HEPH: variants seen among roughly 807,000 people sequenced by gnomAD.
HEPH encodes hephaestin.
A neutral mutation model predicts 80.8 loss-of-function variants in HEPH; 69 were observed. The observed-to-expected ratio is 0.85, with a 90% CI of 0.70 to 1.04. The LOEUF is 1.04. Among genes scored for constraint, HEPH ranks in the 50% least tolerant of loss-of-function variants. The probability of loss-of-function intolerance (pLI) is 0.00; values close to 1 mark genes in which losing one functional copy is unlikely to be tolerated. For synonymous variants in HEPH, 431 were observed against 322.8 expected, an observed-to-expected ratio of 1.34 and a Z score of -3.60; for missense variants, 1,115 against 891.3, an observed-to-expected ratio of 1.25 and a Z score of -3.20.
chrX:66,259,350 T>C (rs1168613450), intron 18 of HEPH, among the ~76,000 whole-genome samples: 1 of 111,610 alleles, frequency 9.0e-6, no homozygotes, highest in Non-Finnish European at 1.9e-5. Context: ...TAAGAAGAGC[T>C]TCAACTTAGG....
At position 66,241,738 on chromosome X, in the gene HEPH, C is replaced by T. The variant is rs2090592714; in HGVS notation, c.2564-13297C>T. 2.7e-5 allele frequency among the ~76,000 whole-genome samples: 3 copies of T among 111,457 alleles called. No individual in the cohort carries two copies. The Admixed American group carries it at 2.9e-4, about 11-fold the overall frequency. On this transcript the variant is annotated intron_variant, in intron 15 of 20. Transcript: ENST00000343002. ...TTAACAAAGATATTTGGGACATAAACTTGACATTCAACCAAATTTCATTCA... is the reference window on the plus strand; with the variant it reads ...TTAACAAAGATATTTGGGACATAAATTTGACATTCAACCAAATTTCATTCA...
intron 15 of HEPH, among the ~76,000 whole-genome samples, chrX:66,224,080 C>T (rs2089773187): frequency 1.2e-5 from 1 of 85,421 alleles, no homozygotes; most frequent in Non-Finnish European, 2.0e-5. Flanking sequence ...GCCCCTCTTT[C>T]CCCCGCTTTT....
intron 1 of HEPH, among the ~76,000 whole-genome samples, chrX:66,169,089 C>A (rs374122146): frequency 9.0e-6 from 1 of 111,260 alleles, no homozygotes; most frequent in East Asian, 2.8e-4. Context: ...CAAATCCCAA[C>A]TCTACCGATT....
chrX:66,257,817 G>T (rs1421832339), intron 17 of HEPH, among the ~76,000 whole-genome samples: 1 of 111,492 alleles, frequency 9.0e-6, no homozygotes, highest in African/African-American at 3.3e-5. Context: ...CCTCTCTTGG[G>T]TGATAAAGTG....
At chrX:66,252,288 T>TA (rs1175264399) in intron 15 of HEPH, among the ~76,000 whole-genome samples, 2 of 111,773 alleles carry the variant, frequency 1.8e-5, no homozygotes, top group Non-Finnish European at 3.8e-5. Context: ...GAGTCTGAGA[T>TA]AAAAATTAGA....
At chrX:66,263,781 A>C (rs915697801) in intron 20 of HEPH, 93 bp downstream of exon 20, 3 of 840,305 alleles carry the variant, frequency 3.6e-6, no homozygotes, top group Non-Finnish European at 5.2e-6. Flanking sequence ...GACTTATGTG[A>C]CTGAGAGTTA....
In HEPH at chrX:66,245,061, A is replaced by C. The variant is rs768334316; in HGVS notation, c.2564-9974A>C. On this transcript the variant is annotated intron_variant, in intron 15 of 20. Coordinates refer to ENST00000343002, the MANE Select transcript of HEPH (RefSeq NM_001367233.3). ...TAAAGACCATCAAGGCTAGGAAGAA[A>C]CCGCATCAACTAATGAGCAAAATAA... 2.7e-4 allele frequency among the ~76,000 whole-genome samples: 30 copies of C among 111,608 alleles called. 1 individual carries two copies. Among genetic ancestry groups the C allele is most frequent in the South Asian group, 1.1e-3 (3 of 2,647 alleles).
At chrX:66,172,668 G>A in intron 3 of HEPH, 69 bp downstream of exon 3, 1 of 1,021,503 alleles carries the variant, frequency 9.8e-7, no homozygotes, top group Non-Finnish European at 1.3e-6. Flanking sequence ...GCCAGGTGAA[G>A]GAGAAGAACT....
At chrX:66,167,677 G>T (rs750624964) in intron 1 of HEPH, among the ~76,000 whole-genome samples, 1 of 112,227 alleles carries the variant, frequency 8.9e-6, no homozygotes, top group East Asian at 2.8e-4. Flanking sequence ...TGTTTCATCA[G>T]TGAATGTAAG....
intron 1 of HEPH, among the ~76,000 whole-genome samples, chrX:66,168,072 G>A (rs2086449050): frequency 8.9e-6 from 1 of 112,015 alleles, no homozygotes; most frequent in South Asian, 3.8e-4. Flanking sequence ...GGGAAATGAA[G>A]ACAGTTCATG....
intron 15 of HEPH, among the ~76,000 whole-genome samples, chrX:66,227,395 C>G (rs1455532315): frequency 1.8e-5 from 2 of 111,111 alleles, no homozygotes; most frequent in Non-Finnish European, 3.8e-5. Context: ...AGGATGCCCA[C>G]TTTCACCACT....
intron 20 of HEPH, 59 bp from the exon 21 acceptor site, chrX:66,266,381 A>T: frequency 2.2e-6 from 2 of 899,270 alleles, no homozygotes; most frequent in Non-Finnish European, 3.2e-6. Context: ...GACTATAGAT[A>T]GTTACCTTTT....
At chrX:66,214,166 GT>G (rs1284130787) in intron 15 of HEPH, among the ~76,000 whole-genome samples, 3 of 111,749 alleles carry the variant, frequency 2.7e-5, no homozygotes, top group Non-Finnish European at 5.6e-5. Context: ...GATATTTAAA[GT>G]GATAATATGG....
chrX:66,181,847 T>A (rs1363028891), intron 4 of HEPH, among the ~76,000 whole-genome samples: 2 of 99,429 alleles, frequency 2.0e-5, no homozygotes, highest in African/African-American at 7.4e-5. Flanking sequence ...AAAGTTTAAA[T>A]CTTTAATCCA....
chrX:66,235,775 C>G (rs1261113094), intron 15 of HEPH, among the ~76,000 whole-genome samples: 2 of 111,807 alleles, frequency 1.8e-5, no homozygotes, highest in Non-Finnish European at 3.8e-5. Flanking sequence ...TGAATCTATA[C>G]ATTGCTTTGG....
intron 15 of HEPH, among the ~76,000 whole-genome samples, chrX:66,241,593 C>T (rs1251878336): frequency 9.0e-6 from 1 of 111,428 alleles, no homozygotes; most frequent in Non-Finnish European, 1.9e-5. Flanking sequence ...AACATTGGAG[C>T]ACCCAGATTG....
At chrX:66,203,856 T>C (rs1258981784) in intron 13 of HEPH, among the ~76,000 whole-genome samples, 2 of 112,215 alleles carry the variant, frequency 1.8e-5, no homozygotes, top group Non-Finnish European at 3.8e-5. Context: ...ACTTAAATTT[T>C]ACAGGATTTA....
At chrX:66,170,396 T>A in intron 1 of HEPH, 162 bp from the exon 2 acceptor site, 1 of 417,793 alleles carries the variant, frequency 2.4e-6, no homozygotes. Context: ...TGAAAACTTA[T>A]TGAATTAAAA....
intron 19 of HEPH, among the ~76,000 whole-genome samples, chrX:66,260,522 G>A (rs1430296071): frequency 9.0e-6 from 1 of 111,487 alleles, no homozygotes; most frequent in Non-Finnish European, 1.9e-5. Context: ...AACCTGTTGA[G>A]CTCACATGAA....
Sources: allele counts gnomAD v4.1 joint callset (sites outside exome capture counted in the v4.1 genomes callset), GRCh38; gene constraint gnomAD v4.1.1; transcripts MANE v1.5; gene names NCBI Gene and HGNC (gene_info 2026-07-23, HGNC 2026-07-21).